ZNF740: variants seen among roughly 807,000 people sequenced by gnomAD.
ZNF740 encodes oriLyt TD-element-binding protein 7.
ZNF740 carries 14 observed loss-of-function variants against 24.8 expected under a neutral mutation model. The ratio of observed to expected loss-of-function variants is 0.56; its 90% CI spans 0.37 to 0.88. The LOEUF (loss-of-function observed/expected upper bound fraction) is 0.88, where lower values mean the gene tolerates loss of function less well. ZNF740 is among the 40% of genes least tolerant of loss of function. ZNF740 has a pLI of 0.00. For synonymous variants in ZNF740, 69 were observed against 84.0 expected (o/e 0.82, Z 0.98); for missense variants, 201 against 247.9 (o/e 0.81, Z 1.27).
Position 53,180,756 on chromosome 12 carries a change from G to A in ZNF740, c.-389G>A, listed in dbSNP as rs1254569468. On this transcript the variant is annotated 5_prime_UTR_variant, in exon 1 of 7. Transcript: ENST00000416904. ...CCTCGGTCCCGGTGGGGGCAGCCGCGGCGGTGGGGTTGGCAGGGTGTGCTG... is the reference window on the plus strand; with the variant it reads ...CCTCGGTCCCGGTGGGGGCAGCCGCAGCGGTGGGGTTGGCAGGGTGTGCTG... 7.1e-6 allele frequency: 9 copies of A among 1,267,576 alleles called. No homozygotes were observed. In the African/African-American group the frequency reaches 1.4e-4, roughly 20 times the overall value. 78.5% of individuals were successfully genotyped at this position (1,267,576 alleles called of 1,614,324 possible). A position where few individuals can be genotyped will look rare whatever the true frequency, so the allele number is the denominator to read the frequency against.
In ZNF740 at chr12:53,192,433, A is replaced by C. The variant is rs766145213; in HGVS notation, c.*4843A>C. ...GGGTCCGCTCTTTGCACCAGCCATC[A>C]TCCAAGATAGGGGCCAAGGCCAGGG... On this transcript the variant is annotated 3_prime_UTR_variant, in exon 7 of 7. Transcript: ENST00000416904. The C allele has an allele frequency of 8.1e-6, 13 of 1,613,994 alleles. No individual in the cohort carries two copies. Among genetic ancestry groups the C allele is most frequent in the Admixed American group, 1.7e-5 (1 of 59,996 alleles).
Position 53,188,588 on chromosome 12 carries a change from G to A in ZNF740, c.*998G>A, listed in dbSNP as rs1301915478. 6.6e-6 allele frequency: 1 copy of A among 152,508 alleles called. No individual in the cohort carries two copies. Among genetic ancestry groups the A allele is most frequent in the East Asian group, 1.9e-4 (1 of 5,204 alleles). The allele number at this position is 152,508 out of a possible 1,614,324, so 9.4% of individuals were successfully genotyped here. A position where few individuals can be genotyped will look rare whatever the true frequency, so the allele number is the denominator to read the frequency against. ...GGCTAACAGCTGCTCAAGAAACAAA[G>A]GAATCTGGGGTCTTCTGACATGCCT... On this transcript the variant is annotated 3_prime_UTR_variant, in exon 7 of 7. Coordinates refer to ENST00000416904, the MANE Select transcript of ZNF740 (RefSeq NM_001004304.4).
chr12:53,191,272 A>C lies in ZNF740; in HGVS notation c.*3682A>C. The stretch of plus-strand genomic sequence containing the variant: ...CAAGAGCTTTCCCGAGGCCCAGGCT[A>C]TAAACAGTCTGCTTTGGCCTTGATG... On this transcript the variant is annotated 3_prime_UTR_variant, in exon 7 of 7. Coordinates refer to ENST00000416904, the MANE Select transcript of ZNF740 (RefSeq NM_001004304.4). The C allele has an allele frequency of 4.7e-6, 2 of 429,130 alleles. No individual in the cohort carries two copies. Among genetic ancestry groups the C allele is most frequent in the Non-Finnish European group, 8.8e-6 (2 of 228,546 alleles). The allele number at this position is 429,130 out of a possible 1,614,324, so 26.6% of individuals were successfully genotyped here. A position where few individuals can be genotyped will look rare whatever the true frequency, so the allele number is the denominator to read the frequency against.
intron 2 of ZNF740, 152 bp downstream of exon 2, chr12:53,182,144 C>G: frequency 1.8e-6 from 2 of 1,095,102 alleles, no homozygotes; most frequent in Non-Finnish European, 2.6e-6. Context: ...GGAAAGGAGA[C>G]AGGCCACAGC....
chr12:53,194,098 A>T lies in ZNF740; in HGVS notation c.*6508A>T. The T allele has an allele frequency of 6.5e-7, 1 of 1,529,270 alleles. No homozygotes were observed. The highest frequency in any genetic ancestry group is 9.0e-7 in the Non-Finnish European group (1 of 1,114,710). The allele number at this position is 1,529,270 out of a possible 1,614,324, so 94.7% of individuals were successfully genotyped here. A position where few individuals can be genotyped will look rare whatever the true frequency, so the allele number is the denominator to read the frequency against. On this transcript the variant is annotated 3_prime_UTR_variant, in exon 7 of 7. Coordinates refer to ENST00000416904, the MANE Select transcript of ZNF740 (RefSeq NM_001004304.4). ...GGATGGAGGACTACCTCAGGCTCTC[A>T]TGTCACTCCCTGTACCTGCCACCCA...
In ZNF740 at chr12:53,182,278, G is replaced by C. The variant is rs149572040; in HGVS notation, c.9+286G>C. The stretch of plus-strand genomic sequence containing the variant: ...CATTTGGTACATTAAGTGCTGAGGG[G>C]TGTAAGGGAGTGAATAGTACGGTGA... On this transcript the variant is annotated intron_variant, in intron 2 of 6. Coordinates refer to ENST00000416904, the MANE Select transcript of ZNF740 (RefSeq NM_001004304.4). The C allele has an allele frequency of 1.4e-4, 63 of 439,288 alleles. 1 individual carries two copies. Among genetic ancestry groups the C allele is most frequent in the South Asian group, 1.4e-3 (42 of 30,608 alleles). 27.2% of individuals were successfully genotyped at this position (439,288 alleles called of 1,614,324 possible).
chr12:53,185,531 C>T, intron 4 of ZNF740, 55 bp downstream of exon 4: 2 of 1,500,590 alleles, frequency 1.3e-6, no homozygotes, highest in Non-Finnish European at 1.8e-6. Flanking sequence ...GGGTAATATT[C>T]CTCCTTCTTC....
At position 53,193,669 on chromosome 12, in the gene ZNF740, T is replaced by G. The variant is rs760662670; in HGVS notation, c.*6079T>G. The G allele has an allele frequency of 5.9e-5, 92 of 1,561,674 alleles. No individual in the cohort carries two copies. Among genetic ancestry groups the G allele is most frequent in the Admixed American group, 1.4e-4 (8 of 55,438 alleles). ...AATACGGGCCAGGGTTGGTTGGTTG[T>G]TGGGAGCCAGGTGGTTGAAGGGAAG... is the stretch of plus-strand genomic sequence containing the variant. On this transcript the variant is annotated 3_prime_UTR_variant, in exon 7 of 7. Transcript: ENST00000416904.
chr12:53,184,754 C>T (rs1941790326), intron 2 of ZNF740, 137 bp from the exon 3 acceptor site: 3 of 995,918 alleles, frequency 3.0e-6, no homozygotes, highest in Non-Finnish European at 4.5e-6. Flanking sequence ...GGAAGCAAGG[C>T]TTTGGCAGTG....
In ZNF740 at chr12:53,193,667, T is replaced by G. The variant is rs141751697; in HGVS notation, c.*6077T>G. The G allele has an allele frequency of 5.5e-4, 855 of 1,555,532 alleles. 4 individuals are homozygous for G. In the African/African-American group the frequency reaches 0.01, roughly 18 times the overall value. ...GGAATACGGGCCAGGGTTGGTTGGTTGTTGGGAGCCAGGTGGTTGAAGGGA... is the reference window on the plus strand; with the variant it reads ...GGAATACGGGCCAGGGTTGGTTGGTGGTTGGGAGCCAGGTGGTTGAAGGGA... On this transcript the variant is annotated 3_prime_UTR_variant, in exon 7 of 7. Coordinates refer to ENST00000416904, the MANE Select transcript of ZNF740 (RefSeq NM_001004304.4).
Position 53,180,782 on chromosome 12 carries a change from G to A in ZNF740, c.-363G>A. 1 of 1,272,810 alleles carries A rather than the reference G, an allele frequency of 7.9e-7. No homozygotes were observed. The highest frequency in any genetic ancestry group is 1.0e-6 in the Non-Finnish European group (1 of 982,384). The allele number at this position is 1,272,810 out of a possible 1,614,324, so 78.8% of individuals were successfully genotyped here. A position where few individuals can be genotyped will look rare whatever the true frequency, so the allele number is the denominator to read the frequency against. The stretch of plus-strand genomic sequence containing the variant: ...GCGGTGGGGTTGGCAGGGTGTGCTG[G>A]GGCCTGGAGGAGGCGCCGCGCGGCC... On this transcript the variant is annotated 5_prime_UTR_variant, in exon 1 of 7. Transcript: ENST00000416904.
chr12:53,194,236 C>G lies in ZNF740; in HGVS notation c.*6646C>G. 1 of 1,614,118 alleles carries G rather than the reference C, an allele frequency of 6.2e-7. No homozygotes were observed. Among genetic ancestry groups the G allele is most frequent in the Non-Finnish European group, 8.5e-7 (1 of 1,180,026 alleles). On this transcript the variant is annotated 3_prime_UTR_variant, in exon 7 of 7. Coordinates refer to ENST00000416904, the MANE Select transcript of ZNF740 (RefSeq NM_001004304.4). ...CGGACGTGGTTGCACTGTCCTCGAT[C>G]CTCAGCCTTACCCTCCCTCTTCTCA...
chr12:53,187,779 C>CT lies in ZNF740; in HGVS notation c.*190dup, dbSNP rs1158824023. Reference sequence around the variant, plus strand: ...CCTCAGCTCTGTAAATAATCTGAGACTATGAGTATCTCGGGGAAGTTCTTA... The same window carrying CT: ...CCTCAGCTCTGTAAATAATCTGAGACTTATGAGTATCTCGGGGAAGTTCTTA... On this transcript the variant is annotated 3_prime_UTR_variant, in exon 7 of 7. Transcript: ENST00000416904. 2 of 575,818 alleles carry CT rather than the reference C, an allele frequency of 3.5e-6. No homozygotes were observed. Among genetic ancestry groups the CT allele is most frequent in the African/African-American group, 3.8e-5 (2 of 53,080 alleles). The allele number at this position is 575,818 out of a possible 1,614,324, so 35.7% of individuals were successfully genotyped here. A position where few individuals can be genotyped will look rare whatever the true frequency, so the allele number is the denominator to read the frequency against.
chr12:53,193,261 GGGCCCTGTGCC>G lies in ZNF740; in HGVS notation c.*5672_*5682del. The G allele has an allele frequency of 6.2e-7, 1 of 1,614,074 alleles. No homozygotes were observed. ...GACAGTGACCCTTTCCACTGCACAG[GGGCCCTGTGCC>G]ATTGGGAGCCCGGCACCCAGATTCC... On this transcript the variant is annotated 3_prime_UTR_variant, in exon 7 of 7. Transcript: ENST00000416904.
At position 53,193,482 on chromosome 12, in the gene ZNF740, A is replaced by AAAGG; in HGVS notation, c.*5894_*5897dup. On this transcript the variant is annotated 3_prime_UTR_variant, in exon 7 of 7. Transcript: ENST00000416904. The stretch of plus-strand genomic sequence containing the variant: ...AGAGTTGGAGACAGACAAACAGCTG[A>AAAGG]AAGGATGTTAAGTATAGTGAAACAC... 1 of 809,574 alleles carries AAAGG rather than the reference A, an allele frequency of 1.2e-6. No homozygotes were observed. Among genetic ancestry groups the AAAGG allele is most frequent in the Non-Finnish European group, 1.9e-6 (1 of 521,592 alleles). 50.1% of individuals were successfully genotyped at this position (809,574 alleles called of 1,614,324 possible).
intron 6 of ZNF740, among the ~76,000 whole-genome samples, chr12:53,187,107 A>G (rs1941838940): frequency 1.3e-5 from 2 of 152,358 alleles, no homozygotes; most frequent in South Asian, 2.1e-4. Flanking sequence ...AGACGCTAGA[A>G]TAAAAGCTCC....
rs532145547 is a variant in ZNF740, at chr12:53,193,156, C to G, written c.*5566C>G. 3.1e-6 allele frequency: 5 copies of G among 1,611,642 alleles called. No homozygotes were observed. The highest frequency in any genetic ancestry group is 2.2e-5 in the South Asian group (2 of 90,946). ...TCCAGGTACCTCCGCAGAGGATGCC[C>G]TCATGTCGCTCACAGCTGGCATCGT... is the stretch of plus-strand genomic sequence containing the variant. On this transcript the variant is annotated 3_prime_UTR_variant, in exon 7 of 7. Coordinates refer to ENST00000416904, the MANE Select transcript of ZNF740 (RefSeq NM_001004304.4).
At chr12:53,184,114 G>GGTGT (rs754768891) in intron 2 of ZNF740, among the ~76,000 whole-genome samples, 10,065 of 123,374 alleles carry the variant, frequency 0.082, 489 homozygotes, top group Middle Eastern at 0.11. Context: ...GAAGCTAAGG[G>GGTGT]GTGTGTGTGT....
rs563137821 is a variant in ZNF740, at chr12:53,192,850, C to T, written c.*5260C>T. The T allele has an allele frequency of 1.9e-6, 3 of 1,614,130 alleles. No individual in the cohort carries two copies. Among genetic ancestry groups the T allele is most frequent in the Non-Finnish European group, 2.5e-6 (3 of 1,180,060 alleles). On this transcript the variant is annotated 3_prime_UTR_variant, in exon 7 of 7. Coordinates refer to ENST00000416904, the MANE Select transcript of ZNF740 (RefSeq NM_001004304.4). ...ACTGTCCATGTCCCCACTGCATTCG[C>T]ATGCTCTGCCCGTGCGGTTGGCATG...
Sources: allele counts gnomAD v4.1 joint callset (sites outside exome capture counted in the v4.1 genomes callset), GRCh38; gene constraint gnomAD v4.1.1; transcripts MANE v1.5; gene names NCBI Gene and HGNC (gene_info 2026-07-23, HGNC 2026-07-21).